MEF2D: variants seen among roughly 807,000 people sequenced by gnomAD.
MEF2D encodes the protein myocyte-specific enhancer factor 2D.
Under a neutral mutation model 59.3 loss-of-function variants are expected in MEF2D, and 10 were observed. That is an observed-to-expected ratio of 0.17 (90% CI 0.10 to 0.29). The LOEUF is 0.29. Among genes scored for constraint, MEF2D ranks in the 10% least tolerant of loss-of-function variants. The pLI, the probability that MEF2D is intolerant of heterozygous loss-of-function variation, is 1.00. For missense variants in MEF2D, 508 were observed against 699.4 expected (o/e 0.73, Z 3.09); for synonymous variants, 305 against 295.0 (o/e 1.03, Z -0.35).
At chr1:156,479,367 G>C (rs746406325) in intron 5 of MEF2D, 21 bp from the exon 6 acceptor site, 2 of 1,609,936 alleles carry the variant, frequency 1.2e-6, no homozygotes, top group East Asian at 2.2e-5. Flanking sequence ...AACAGAACCA[G>C]GATGAGCTGA....
chr1:156,500,205 C>G lies in MEF2D; in HGVS notation c.-139+281G>C, dbSNP rs935127009. ...CCCTACACGAACAGGCGGGCGCGCC[C>G]CCAATCCGCCCGTCCCCACCCCGTA... is the stretch of plus-strand genomic sequence containing the variant. On this transcript the variant is annotated intron_variant, in intron 1 of 11. Coordinates refer to ENST00000348159, the MANE Select transcript of MEF2D (RefSeq NM_005920.4). 3.0e-4 allele frequency among the ~76,000 whole-genome samples: 46 copies of G among 152,174 alleles called. 1 individual carries two copies. Among genetic ancestry groups the G allele is most frequent in the Admixed American group, 2.6e-4 (4 of 15,302 alleles).
chr1:156,500,419 C>T (rs1673425583), intron 1 of MEF2D, 67 bp downstream of exon 1: 3 of 152,356 alleles, frequency 2.0e-5, no homozygotes, highest in Admixed American at 2.0e-4. Context: ...CCCTCCACCC[C>T]AACCCCTGGA....
chr1:156,481,524 A>G (rs1672017348), intron 3 of MEF2D, among the ~76,000 whole-genome samples: 1 of 152,218 alleles, frequency 6.6e-6, no homozygotes, highest in Non-Finnish European at 1.5e-5. Flanking sequence ...CTGAGTCCCT[A>G]CTGTGACCAC....
chr1:156,480,827 G>C lies in MEF2D; in HGVS notation c.396+7C>G. ...GGGCCAACAGAGACAGAGTGAGTGG[G>C]GCTCACCCCATAGCGCCGGAAGAGC... On this transcript the variant is annotated splice_region_variant and intron_variant, in intron 4 of 11. Transcript: ENST00000348159. The C allele has an allele frequency of 2.5e-6, 4 of 1,593,220 alleles. No homozygotes were observed. Among genetic ancestry groups the C allele is most frequent in the Non-Finnish European group, 3.4e-6 (4 of 1,170,260 alleles).
At chr1:156,491,497 C>T (rs1672788551) in intron 1 of MEF2D, among the ~76,000 whole-genome samples, 1 of 152,192 alleles carries the variant, frequency 6.6e-6, no homozygotes. Context: ...GGGCAGGTGC[C>T]TTCTAAACAG....
At chr1:156,470,666 T>G (rs1227162160) in intron 9 of MEF2D, among the ~76,000 whole-genome samples, 2 of 152,210 alleles carry the variant, frequency 1.3e-5, no homozygotes, top group Non-Finnish European at 2.9e-5. Flanking sequence ...TACCTCCACT[T>G]AGGCCATGTG....
chr1:156,494,692 C>G (rs533984092), intron 1 of MEF2D, among the ~76,000 whole-genome samples: 15 of 152,376 alleles, frequency 9.8e-5, no homozygotes, highest in African/African-American at 3.4e-4. Context: ...AACCATCACA[C>G]TTTTTCTGGC....
At chr1:156,477,224 G>C (rs753546433) in intron 6 of MEF2D, 22 bp from the exon 7 acceptor site, 3 of 1,563,094 alleles carry the variant, frequency 1.9e-6, no homozygotes, top group East Asian at 2.3e-5. Flanking sequence ...ACAACAAGAG[G>C]GTAAAAGGAA....
At chr1:156,467,907 T>G in intron 11 of MEF2D, 86 bp downstream of exon 11, 1 of 1,481,404 alleles carries the variant, frequency 6.8e-7, no homozygotes, top group East Asian at 2.3e-5. Context: ...GCCTCTTGGG[T>G]GGGAAATAAA....
chr1:156,480,650 C>CTA, intron 4 of MEF2D, 184 bp downstream of exon 4: 1 of 1,551,938 alleles, frequency 6.4e-7, no homozygotes, highest in Non-Finnish European at 8.7e-7. Flanking sequence ...CACGGCCAGT[C>CTA]TATAACTCTG....
chr1:156,472,372 C>T (rs1671285167), intron 9 of MEF2D, among the ~76,000 whole-genome samples: 1 of 152,204 alleles, frequency 6.6e-6, no homozygotes, highest in Non-Finnish European at 1.5e-5. Context: ...TAGCCTGGGG[C>T]TGGGCACACA....
At chr1:156,476,659 G>A (rs953265237) in intron 7 of MEF2D, 145 bp from the exon 8 acceptor site, 15 of 912,164 alleles carry the variant, frequency 1.6e-5, no homozygotes, top group African/African-American at 3.3e-5. Flanking sequence ...GCTCTCCACC[G>A]TCCTGACTCA....
chr1:156,498,100 T>C (rs1477932029), intron 1 of MEF2D, among the ~76,000 whole-genome samples: 1 of 33,006 alleles, frequency 3.0e-5, no homozygotes, highest in African/African-American at 2.1e-4. Context: ...CCAGGAAAGA[T>C]TAAAAAAAAA....
chr1:156,471,770 C>A (rs763943092), intron 9 of MEF2D, among the ~76,000 whole-genome samples: 4 of 152,242 alleles, frequency 2.6e-5, no homozygotes, highest in Admixed American at 6.5e-5. Context: ...AAACAGTGAA[C>A]AACTAAACAG....
At chr1:156,480,779 T>C in intron 4 of MEF2D, 55 bp downstream of exon 4, 2 of 1,582,626 alleles carry the variant, frequency 1.3e-6, no homozygotes, top group Non-Finnish European at 1.7e-6. Context: ...GTGCAGCGCC[T>C]GGGGGGAAGG....
intron 1 of MEF2D, among the ~76,000 whole-genome samples, chr1:156,494,730 C>A (rs1044915336): frequency 2.0e-5 from 3 of 152,350 alleles, no homozygotes; most frequent in Non-Finnish European, 1.5e-5. Flanking sequence ...CCATGTGAGG[C>A]AGGTAGCACC....
intron 9 of MEF2D, among the ~76,000 whole-genome samples, chr1:156,469,625 A>G (rs113705810): frequency 0.028 from 4,257 of 150,226 alleles, 199 homozygotes; most frequent in African/African-American, 0.098. Flanking sequence ...CGAGTGGCTC[A>G]TGTCTATAAT....
intron 6 of MEF2D, among the ~76,000 whole-genome samples, chr1:156,477,978 A>C (rs149135043): frequency 9.6e-4 from 146 of 152,386 alleles, no homozygotes; most frequent in Middle Eastern, 3.4e-3. Flanking sequence ...TTAACTCTGC[A>C]AGACAGACAG....
In MEF2D at chr1:156,479,889, T is replaced by C; in HGVS notation, c.397-93A>G. 4 of 1,283,450 alleles carry C rather than the reference T, an allele frequency of 3.1e-6. No homozygotes were observed. In the South Asian group the frequency reaches 3.9e-5, roughly 13 times the overall value. The allele number at this position is 1,283,450 out of a possible 1,614,324, so 79.5% of individuals were successfully genotyped here. A position where few individuals can be genotyped will look rare whatever the true frequency, so the allele number is the denominator to read the frequency against. ...GGAGGGCAGGCAAGGGTTCTTCTCA[T>C]TTCTGGGCTACGCATCCTAGGGCCA... On this transcript the variant is annotated intron_variant, in intron 4 of 11. Coordinates refer to ENST00000348159, the MANE Select transcript of MEF2D (RefSeq NM_005920.4).
Sources: gnomAD v4.1 joint callset for allele counts (sites outside exome capture counted in the v4.1 genomes callset) on GRCh38, gnomAD v4.1.1 for gene constraint, MANE v1.5 for transcripts, NCBI Gene and HGNC (gene_info 2026-07-23, HGNC 2026-07-21) for gene names.